Variants in RNLS observed in about 807,000 individuals in gnomAD.
RNLS encodes renalase.
A neutral mutation model predicts 39.8 loss-of-function variants in RNLS; 39 were observed. The ratio of observed to expected loss-of-function variants is 0.98; its 90% confidence interval spans 0.76 to 1.28. The LOEUF (loss-of-function observed/expected upper bound fraction) is 1.28, where lower values mean the gene tolerates loss of function less well. Among genes scored for constraint, RNLS ranks in the 50% most tolerant of loss-of-function variants. RNLS has a pLI of 0.00. For missense variants in RNLS, 410 were observed against 413.3 expected, an observed-to-expected ratio of 0.99 and a Z score of 0.07; for synonymous variants, 147 against 150.7, an observed-to-expected ratio of 0.98 and a Z score of 0.18.
At chr10:88,341,900 T>G (rs1847983795) in intron 5 of RNLS, among the ~76,000 whole-genome samples, 1 of 152,162 alleles carries the variant, frequency 6.6e-6, no homozygotes, top group Non-Finnish European at 1.5e-5. Context: ...GGAAATATAT[T>G]TAAAAGATTT....
At chr10:88,327,586 T>C (rs886574978) in intron 5 of RNLS, among the ~76,000 whole-genome samples, 1 of 152,178 alleles carries the variant, frequency 6.6e-6, no homozygotes, top group African/African-American at 2.4e-5. Flanking sequence ...TCTTTATAAA[T>C]TATCTAGTCT....
At chr10:88,453,781 TG>T (rs756370963) in intron 4 of RNLS, among the ~76,000 whole-genome samples, 6 of 152,238 alleles carry the variant, frequency 3.9e-5, no homozygotes, top group South Asian at 2.1e-4. Context: ...CTAAATTTCC[TG>T]GTTTGATCTG....
At chr10:88,263,854 C>G in the RNLS span, among the ~76,000 whole-genome samples, 1 of 151,974 alleles carries the variant, frequency 6.6e-6, no homozygotes, top group African/African-American at 2.4e-5. Context: ...TTTTGGGAAA[C>G]AGGTGGTGTT....
At chr10:88,446,288 C>T (rs1478909274) in intron 4 of RNLS, among the ~76,000 whole-genome samples, 1 of 152,032 alleles carries the variant, frequency 6.6e-6, no homozygotes, top group East Asian at 1.9e-4. Flanking sequence ...CACAACATAC[C>T]AGAATCTCTG....
intron 6 of RNLS, among the ~76,000 whole-genome samples, chr10:88,311,993 A>C (rs879592744): frequency 6.6e-6 from 1 of 152,218 alleles, no homozygotes; most frequent in Non-Finnish European, 1.5e-5. Context: ...ATGAGGAAGA[A>C]GGAAACAATG....
intron 4 of RNLS, among the ~76,000 whole-genome samples, chr10:88,570,963 CTT>C (rs1179336519): frequency 2.1e-5 from 2 of 96,776 alleles, no homozygotes; most frequent in Non-Finnish European, 4.1e-5. Context: ...GTTGTATATT[CTT>C]TTTTTTTTTT....
chr10:88,393,126 T>G (rs1314323796), intron 4 of RNLS, among the ~76,000 whole-genome samples: 6 of 152,186 alleles, frequency 3.9e-5, no homozygotes, highest in African/African-American at 9.7e-5. Flanking sequence ...CTTTGAAAAC[T>G]GGCACAAGAC....
intron 6 of RNLS, among the ~76,000 whole-genome samples, chr10:88,310,824 A>AAAAAAAAAAAAAAAAAAAAAAAGAAAG (rs1217903555): frequency 8.8e-6 from 1 of 113,410 alleles, no homozygotes; most frequent in Non-Finnish European, 1.9e-5. Context: ...AAAAAAAAAA[A>AAAAAAAAAAAAAAAAAAAAAAAGAAAG]AAAGAAAGAA....
the RNLS span, among the ~76,000 whole-genome samples, chr10:88,252,823 T>C: frequency 3.3e-5 from 5 of 152,238 alleles, no homozygotes; most frequent in East Asian, 1.9e-4. Flanking sequence ...AGTGAATGTA[T>C]GGCTATTTAA....
At chr10:88,210,621 T>C in the RNLS span, among the ~76,000 whole-genome samples, 1 of 152,142 alleles carries the variant, frequency 6.6e-6, no homozygotes, top group African/African-American at 2.4e-5. Context: ...CATTTTAATG[T>C]TTTTCTTTTT....
chr10:88,573,124 G>C, intron 3 of RNLS, 63 bp from the exon 4 acceptor site: 2 of 1,508,430 alleles, frequency 1.3e-6, no homozygotes, highest in East Asian at 2.3e-5. Flanking sequence ...AAGGGGATGT[G>C]AGTAGTCACA....
intron 5 of RNLS, among the ~76,000 whole-genome samples, chr10:88,349,851 A>T (rs565182258): frequency 6.6e-6 from 1 of 152,140 alleles, no homozygotes; most frequent in South Asian, 2.1e-4. Flanking sequence ...AATGAGATGA[A>T]TATTTGCAAT....
intron 4 of RNLS, among the ~76,000 whole-genome samples, chr10:88,555,377 C>G (rs1172141295): frequency 2.0e-5 from 3 of 151,812 alleles, no homozygotes; most frequent in Admixed American, 6.6e-5. Flanking sequence ...GAAGGTGGGC[C>G]TAGTGGGAGG....
chr10:88,255,491 G>A, the RNLS span, among the ~76,000 whole-genome samples: 1 of 152,206 alleles, frequency 6.6e-6, no homozygotes, highest in Non-Finnish European at 1.5e-5. Context: ...GGGAGGAGGA[G>A]TAGGGGTAGA....
intron 4 of RNLS, among the ~76,000 whole-genome samples, chr10:88,475,738 T>C (rs1215061193): frequency 6.6e-6 from 1 of 152,178 alleles, no homozygotes; most frequent in Non-Finnish European, 1.5e-5. Context: ...TTGTGTCTTC[T>C]TGAGCATTTG....
At chr10:88,482,644 T>C (rs1388186135) in intron 4 of RNLS, among the ~76,000 whole-genome samples, 14 of 152,170 alleles carry the variant, frequency 9.2e-5, no homozygotes. Context: ...CTACAAAATC[T>C]AACATTTGGG....
intron 4 of RNLS, among the ~76,000 whole-genome samples, chr10:88,392,798 T>C (rs1852286530): frequency 6.6e-6 from 1 of 152,134 alleles, no homozygotes; most frequent in Admixed American, 6.5e-5. Flanking sequence ...AAGCAGTCAA[T>C]ATAAACTGTC....
At chr10:88,419,768 G>A (rs1207079477) in intron 4 of RNLS, among the ~76,000 whole-genome samples, 35 of 152,094 alleles carry the variant, frequency 2.3e-4, no homozygotes, top group Admixed American at 2.3e-3. Flanking sequence ...ACTTTGAGAG[G>A]CCGAGGCGGG....
At chr10:88,468,985 T>C (rs1469683059) in intron 4 of RNLS, among the ~76,000 whole-genome samples, 1 of 152,154 alleles carries the variant, frequency 6.6e-6, no homozygotes, top group Non-Finnish European at 1.5e-5. Context: ...TAAAAGCTCA[T>C]GTTTTTGAAG....
Sources: allele counts gnomAD v4.1 joint callset (sites outside exome capture counted in the v4.1 genomes callset), GRCh38; gene constraint gnomAD v4.1.1; transcripts MANE v1.5; gene names NCBI Gene and HGNC (gene_info 2026-07-23, HGNC 2026-07-21).